SLC25A26: variants seen among roughly 807,000 people sequenced by gnomAD.
SLC25A26 encodes the protein mitochondrial S-adenosylmethionine carrier protein.
In SLC25A26, 36 loss-of-function variants were observed where a neutral mutation model predicts 37.8. The ratio of observed to expected loss-of-function variants is 0.95; its 90% CI spans 0.73 to 1.26. The LOEUF is 1.26. Ranked by LOEUF, SLC25A26 falls within the 50% of genes most tolerant of loss-of-function variation. SLC25A26 has a pLI of 0.00. For synonymous variants in SLC25A26, 129 were observed against 122.5 expected (o/e 1.05, Z -0.35); for missense variants, 390 against 331.1 (o/e 1.18, Z -1.38).
At chr3:66,323,635 T>C (rs139262816) in intron 5 of SLC25A26, among the ~76,000 whole-genome samples, 2 of 152,214 alleles carry the variant, frequency 1.3e-5, no homozygotes, top group East Asian at 3.9e-4. Flanking sequence ...GGTGAGATGC[T>C]GTCTCTACAA....
chr3:66,136,897 A>T (rs2069954623), intron 1 of SLC25A26, among the ~76,000 whole-genome samples: 1 of 152,220 alleles, frequency 6.6e-6, no homozygotes, highest in African/African-American at 2.4e-5. Flanking sequence ...TAACAAAGAG[A>T]GAGCTTAACA....
At chr3:66,377,656 C>T (rs774587515) in intron 9 of SLC25A26, 34 bp from the exon 10 acceptor site, 18 of 1,526,124 alleles carry the variant, frequency 1.2e-5, no homozygotes, top group East Asian at 4.5e-5. Context: ...TTTTAAAATA[C>T]GCACAACATT....
intron 3 of SLC25A26, among the ~76,000 whole-genome samples, chr3:66,244,561 G>C (rs1283275178): frequency 1.3e-5 from 2 of 152,202 alleles, no homozygotes; most frequent in African/African-American, 2.4e-5. Context: ...CACAGGGCCA[G>C]TTTTAGTGAA....
chr3:66,273,254 C>G (rs1272277400), intron 5 of SLC25A26, among the ~76,000 whole-genome samples: 1 of 152,084 alleles, frequency 6.6e-6, no homozygotes, highest in African/African-American at 2.4e-5. Context: ...CTAAAATTCT[C>G]TTTTCTGGTT....
rs890831440 is a variant in SLC25A26 at position 66,190,077 on chromosome 3, C to T, written c.-353-30665C>T. Among the ~76,000 whole-genome samples, 242 of 152,142 alleles carry T rather than the reference C, an allele frequency of 1.6e-3. 1 individual carries two copies. The highest frequency in any genetic ancestry group is 5.4e-3 in the African/African-American group (226 of 41,514). ...CTGGAATCCCGGCACTTTGGGAGGC[C>T]GAGGCAGGTGGATTGCTTGAGTCCA... is the stretch of plus-strand genomic sequence containing the variant. On this transcript the variant is annotated intron_variant, in intron 1 of 10. Coordinates refer to the SLC25A26 transcript ENST00000676754.
chr3:66,284,492 AT>A (rs1297023284), intron 5 of SLC25A26, among the ~76,000 whole-genome samples: 1 of 152,228 alleles, frequency 6.6e-6, no homozygotes, highest in East Asian at 1.9e-4. Flanking sequence ...CCTAACAGAA[AT>A]GCACATGTGC....
chr3:66,218,695 C>G (rs1312862593), upstream of SLC25A26, among the ~76,000 whole-genome samples: 2 of 152,214 alleles, frequency 1.3e-5, no homozygotes, highest in African/African-American at 4.8e-5. Context: ...TAGTTTCTGT[C>G]TTGTTCTCTT....
At chr3:66,292,528 A>G (rs899737405) in intron 5 of SLC25A26, among the ~76,000 whole-genome samples, 2 of 152,132 alleles carry the variant, frequency 1.3e-5, no homozygotes, top group Non-Finnish European at 2.9e-5. Flanking sequence ...GCTTGTCCAT[A>G]AAGGATTTTA....
At chr3:66,265,995 G>A (rs530793114) in intron 5 of SLC25A26, among the ~76,000 whole-genome samples, 5 of 152,298 alleles carry the variant, frequency 3.3e-5, no homozygotes, top group African/African-American at 4.8e-5. Flanking sequence ...ACACATGGTC[G>A]CAACTGCTTT....
At chr3:66,194,833 C>G (rs1355882713) in intron 1 of SLC25A26, among the ~76,000 whole-genome samples, 1 of 152,182 alleles carries the variant, frequency 6.6e-6, no homozygotes, top group South Asian at 2.1e-4. Context: ...ACTCCCGACC[C>G]CAGGTGATCC....
At chr3:66,173,235 T>C (rs1029427218) in intron 1 of SLC25A26, among the ~76,000 whole-genome samples, 8 of 152,164 alleles carry the variant, frequency 5.3e-5, no homozygotes, top group Non-Finnish European at 1.2e-4. Context: ...ACCCGATGCC[T>C]GTCTGGGGAT....
At chr3:66,147,501 A>G (rs920938628) in intron 1 of SLC25A26, among the ~76,000 whole-genome samples, 2 of 151,938 alleles carry the variant, frequency 1.3e-5, no homozygotes, top group South Asian at 2.1e-4. Flanking sequence ...ATGGACACTC[A>G]GGTTGGTTTT....
chr3:66,370,636 T>C, intron 9 of SLC25A26, 34 bp downstream of exon 9: 8 of 1,543,678 alleles, frequency 5.2e-6, no homozygotes, highest in South Asian at 1.1e-5. Flanking sequence ...CCTTTCTTCC[T>C]CTCCACCACT....
intron 1 of SLC25A26, among the ~76,000 whole-genome samples, chr3:66,141,114 G>C (rs560834600): frequency 3.5e-4 from 53 of 151,734 alleles, no homozygotes; most frequent in Non-Finnish European, 5.7e-4. Flanking sequence ...AAATGAGGTA[G>C]ACAGATTGTA....
chr3:66,264,909 T>A (rs1165091461), intron 5 of SLC25A26, among the ~76,000 whole-genome samples: 1 of 152,244 alleles, frequency 6.6e-6, no homozygotes, highest in Non-Finnish European at 1.5e-5. Flanking sequence ...TCTCTTTGCC[T>A]TCTAACTCTA....
At chr3:66,247,513 G>A (rs2072905170) in intron 3 of SLC25A26, among the ~76,000 whole-genome samples, 1 of 152,102 alleles carries the variant, frequency 6.6e-6, no homozygotes, top group Non-Finnish European at 1.5e-5. Flanking sequence ...GTCTTACTAT[G>A]TTGCCCAGGC....
At chr3:66,155,299 C>T (rs192940450) in intron 1 of SLC25A26, among the ~76,000 whole-genome samples, 52 of 152,246 alleles carry the variant, frequency 3.4e-4, no homozygotes, top group Admixed American at 5.9e-4. Context: ...CACTTGAGCC[C>T]GGGAGTTCGA....
At chr3:66,215,122 AAAACAAAC>A (rs1210967936) in intron 1 of SLC25A26, among the ~76,000 whole-genome samples, 6 of 152,208 alleles carry the variant, frequency 3.9e-5, no homozygotes, top group Admixed American at 3.3e-4. Flanking sequence ...CTCTGTCTCA[AAAACAAAC>A]AAACAAACAA....
chr3:66,230,530 G>A (rs142613822), intron 1 of SLC25A26, among the ~76,000 whole-genome samples: 6 of 151,876 alleles, frequency 4.0e-5, no homozygotes, highest in South Asian at 2.1e-4. Flanking sequence ...TAGGCCGGGC[G>A]TGGTGGCTTA....
Sources: allele counts gnomAD v4.1 joint callset (sites outside exome capture counted in the v4.1 genomes callset), GRCh38; gene constraint gnomAD v4.1.1; transcripts MANE v1.5; gene names NCBI Gene and HGNC (gene_info 2026-07-23, HGNC 2026-07-21).